USP8: variants seen among roughly 807,000 people sequenced by gnomAD.
USP8 encodes ubiquitin carboxyl-terminal hydrolase 8.
In USP8, 27 loss-of-function variants were observed where a neutral mutation model predicts 130.0. The ratio of observed to expected loss-of-function variants is 0.21; its 90% CI spans 0.15 to 0.29. The LOEUF (loss-of-function observed/expected upper bound fraction) is 0.29. Among genes scored for constraint, USP8 ranks in the 10% least tolerant of loss-of-function variants. USP8 has a pLI of 1.00. For missense variants in USP8, 1,029 were observed against 1,312.2 expected (o/e 0.78, Z 3.33); for synonymous variants, 392 against 444.1 (o/e 0.88, Z 1.48).
chr15:50,453,645 ATCT>A, intron 4 of USP8, among the ~76,000 whole-genome samples: 1 of 152,234 alleles, frequency 6.6e-6, no homozygotes, highest in East Asian at 1.9e-4. Context: ...TAATGTTCAG[ATCT>A]TCTTTATCTT....
At chr15:50,456,595 C>T (rs916743675) in intron 4 of USP8, among the ~76,000 whole-genome samples, 3 of 147,282 alleles carry the variant, frequency 2.0e-5, no homozygotes, top group African/African-American at 7.5e-5. Context: ...AAAAAATTAA[C>T]TGCTTAATGG....
At chr15:50,446,025 G>A (rs922059444) in intron 3 of USP8, among the ~76,000 whole-genome samples, 7 of 152,082 alleles carry the variant, frequency 4.6e-5, no homozygotes, top group Non-Finnish European at 1.0e-4. Context: ...AAATATTAGT[G>A]TAGCGAATTC....
intron 1 of USP8, among the ~76,000 whole-genome samples, chr15:50,426,516 C>G (rs2049732023): frequency 6.6e-6 from 1 of 152,192 alleles, no homozygotes; most frequent in African/African-American, 2.4e-5. Context: ...AGATAAGCAG[C>G]TGAGTTTGGA....
chr15:50,438,807 T>C (rs2050160962), intron 1 of USP8, among the ~76,000 whole-genome samples: 2 of 152,206 alleles, frequency 1.3e-5, no homozygotes, highest in African/African-American at 4.8e-5. Context: ...AAGTAATTCA[T>C]TTGGTTAATG....
intron 8 of USP8, among the ~76,000 whole-genome samples, chr15:50,475,251 A>C (rs976824354): frequency 6.6e-5 from 10 of 152,256 alleles, no homozygotes; most frequent in Non-Finnish European, 1.5e-4. Context: ...ATTGCAAATA[A>C]CTATAGAAAA....
intron 15 of USP8, chr15:50,493,860 G>T: frequency 1.4e-6 from 1 of 707,164 alleles, no homozygotes; most frequent in Non-Finnish European, 2.6e-6. Flanking sequence ...AGGAGACCAT[G>T]CAGGGCTTGC....
intron 10 of USP8, among the ~76,000 whole-genome samples, chr15:50,479,003 G>A (rs963509484): frequency 1.3e-5 from 2 of 152,080 alleles, no homozygotes; most frequent in African/African-American, 4.8e-5. Flanking sequence ...GTAGTGAGCC[G>A]AGATCAGGCC....
rs1410173087 is a variant in USP8 at position 50,498,900 on chromosome 15, C to T, written c.3172-3C>T. 2 of 1,588,282 alleles carry T rather than the reference C, an allele frequency of 1.3e-6. No individual in the cohort carries two copies. The highest frequency in any genetic ancestry group is 2.2e-5 in the East Asian group (1 of 44,520). On this transcript the variant is annotated splice_region_variant and splice_polypyrimidine_tract_variant and intron_variant, in intron 19 of 19. Transcript: ENST00000307179. ...ATTTTTTTTTCTATCTTGTTTGGCA[C>T]AGAATCACTACGGTGGGCTGGATGG... is the stretch of plus-strand genomic sequence containing the variant.
At chr15:50,431,899 G>A (rs1316177650) in intron 1 of USP8, among the ~76,000 whole-genome samples, 2 of 151,914 alleles carry the variant, frequency 1.3e-5, no homozygotes, top group African/African-American at 4.8e-5. Flanking sequence ...CAGGTGATCT[G>A]CCTGCCTCAG....
chr15:50,450,462 C>CTCTTTTTT (rs2050590473), intron 4 of USP8, among the ~76,000 whole-genome samples: 1 of 80,444 alleles, frequency 1.2e-5, no homozygotes, highest in East Asian at 3.8e-4. Flanking sequence ...GTTAGTCATT[C>CTCTTTTTT]TTTTTTTTTT....
intron 19 of USP8, 22 bp downstream of exon 19, chr15:50,498,750 A>C: frequency 6.3e-7 from 1 of 1,579,278 alleles, no homozygotes; most frequent in African/African-American, 1.4e-5. Context: ...TTTGAACTGA[A>C]GACTTTTTGT....
chr15:50,432,274 T>G (rs1332413857), intron 1 of USP8: 1 of 152,226 alleles, frequency 6.6e-6, no homozygotes, highest in African/African-American at 2.4e-5. Flanking sequence ...GTAAAATTTT[T>G]TGTCTTTACT....
chr15:50,498,992 A>G lies in USP8; in HGVS notation c.3261A>G (p.Glu1087=). 6.2e-7 allele frequency: 1 copy of G among 1,614,006 alleles called. No homozygotes were observed. The highest frequency in any genetic ancestry group is 1.1e-5 in the South Asian group (1 of 91,078). The change falls in exon 20 of 20, where the codon GAA becomes GAG. Residue 1087 remains glutamate (E), a synonymous_variant. Coordinates refer to ENST00000307179, the MANE Select transcript of USP8 (RefSeq NM_005154.5). ...RQRWFKFDDH[E]VSDISVSSVK... ...GGTGGTTTAAGTTTGATGATCATGA[A>G]GTTTCTGATATCTCCGTTTCTTCTG...
At chr15:50,433,369 AAT>A (rs1346596147) in intron 1 of USP8, among the ~76,000 whole-genome samples, 1 of 152,220 alleles carries the variant, frequency 6.6e-6, no homozygotes, top group Non-Finnish European at 1.5e-5. Context: ...TAAGGGCAGA[AAT>A]AGAGAGAGAT....
Position 50,501,302 on chromosome 15 carries a change from G to GA in USP8, c.*2234dup, listed in dbSNP as rs59352489. 6.1e-3 allele frequency: 659 copies of GA among 108,788 alleles called. 4 individuals carry two copies. Among genetic ancestry groups the GA allele is most frequent in the Middle Eastern group, 0.019 (4 of 210 alleles). The allele number at this position is 108,788 out of a possible 1,614,324, so 6.7% of individuals were successfully genotyped here. ...TAGCGAGACTCCATATCTTTTAAAGGAAAAAAAAAAAAAAAAAAAAGATGA... is the reference window on the plus strand; with the variant it reads ...TAGCGAGACTCCATATCTTTTAAAGGAAAAAAAAAAAAAAAAAAAAAGATGA... On this transcript the variant is annotated 3_prime_UTR_variant, in exon 20 of 20. Coordinates refer to ENST00000307179, the MANE Select transcript of USP8 (RefSeq NM_005154.5).
chr15:50,481,972 TA>T lies in USP8; in HGVS notation c.1711del (p.Arg571GlyfsTer23). On this transcript the variant is annotated frameshift_variant, in exon 11 of 20. Transcript: ENST00000307179. LOFTEE classifies it high-confidence loss of function. The stretch of plus-strand genomic sequence containing the variant: ...CTGATGCCAAGAAATCTGTAGAAGA[TA>T]GGGGGAAAAGGTGTCCAACCCCAGA... ...TSDAKKSVED[R>X]GKRCPTPEIQ... is the part of the protein sequence containing the mutation. 6.2e-7 allele frequency: 1 copy of T among 1,603,358 alleles called. No individual in the cohort carries two copies. The highest frequency in any genetic ancestry group is 8.5e-7 in the Non-Finnish European group (1 of 1,177,250).
intron 3 of USP8, among the ~76,000 whole-genome samples, chr15:50,442,474 G>A (rs2141257772): frequency 6.6e-6 from 1 of 150,986 alleles, no homozygotes; most frequent in South Asian, 2.1e-4. Flanking sequence ...TGGGCACGGT[G>A]GTTCACACCT....
chr15:50,480,312 T>C (rs1595965394), intron 10 of USP8, among the ~76,000 whole-genome samples: 1 of 152,208 alleles, frequency 6.6e-6, no homozygotes, highest in African/African-American at 2.4e-5. Context: ...TTTTACCTCA[T>C]GTAAAAGTTT....
chr15:50,468,202 C>T (rs1368957146), intron 7 of USP8, among the ~76,000 whole-genome samples: 5 of 145,032 alleles, frequency 3.4e-5, no homozygotes, highest in Non-Finnish European at 7.5e-5. Flanking sequence ...TCCCAAAGTG[C>T]TGGGATTACA....
Sources: allele counts gnomAD v4.1 joint callset (sites outside exome capture counted in the v4.1 genomes callset), GRCh38; gene constraint gnomAD v4.1.1; transcripts MANE v1.5; gene names NCBI Gene and HGNC (gene_info 2026-07-23, HGNC 2026-07-21).